CIRSR: variants seen among roughly 807,000 people sequenced by gnomAD.
CIRSR encodes corepressor of RBPJ and splicing regulator, also known as CBF1 (RBPJ) interacting corepressor 1.
the CIRSR span, chr2:174,349,127 T>C: frequency 1.3e-6 from 2 of 1,499,864 alleles, no homozygotes; most frequent in South Asian, 1.3e-5. Flanking sequence ...ACTTTTTCTT[T>C]TTTCTATCTT....
At chr2:174,393,053 A>G in the CIRSR span, among the ~76,000 whole-genome samples, 3 of 152,212 alleles carry the variant, frequency 2.0e-5, no homozygotes, top group Admixed American at 6.5e-5. Context: ...AGATCCAGTG[A>G]AGTTGATGGG....
chr2:174,369,610 T>C, the CIRSR span, among the ~76,000 whole-genome samples: 1 of 152,230 alleles, frequency 6.6e-6, no homozygotes, highest in Non-Finnish European at 1.5e-5. Flanking sequence ...AAGTGAGAGA[T>C]GTGTGATTCT....
chr2:174,394,951 T>C, the CIRSR span, among the ~76,000 whole-genome samples: 1 of 152,222 alleles, frequency 6.6e-6, no homozygotes, highest in Non-Finnish European at 1.5e-5. Context: ...AAATATTTTG[T>C]GCAAGGTCTT....
At chr2:174,381,542 A>G in the CIRSR span, among the ~76,000 whole-genome samples, 1 of 151,950 alleles carries the variant, frequency 6.6e-6, no homozygotes, top group Non-Finnish European at 1.5e-5. Flanking sequence ...AATCCCAACT[A>G]CTCGGGAGGC....
chr2:174,360,521 C>A, the CIRSR span, among the ~76,000 whole-genome samples: 2 of 152,136 alleles, frequency 1.3e-5, no homozygotes, highest in African/African-American at 4.8e-5. Context: ...AAATTTCATT[C>A]ATTCTCCTTT....
At chr2:174,354,574 T>TGATATATTATATATCATATAA in the CIRSR span, among the ~76,000 whole-genome samples, 16 of 15,682 alleles carry the variant, frequency 1.0e-3, 1 homozygote, top group African/African-American at 1.7e-3. Context: ...ATATATTATA[T>TGATATATTATATATCATATAA]TATATATTAT....
chr2:174,352,887 T>C, the CIRSR span, among the ~76,000 whole-genome samples: 4 of 152,356 alleles, frequency 2.6e-5, no homozygotes, highest in South Asian at 6.2e-4. Flanking sequence ...ATGAGTTCTT[T>C]AGTTTGCTGG....
the CIRSR span, among the ~76,000 whole-genome samples, chr2:174,377,691 T>C: frequency 6.6e-6 from 1 of 151,538 alleles, no homozygotes; most frequent in Non-Finnish European, 1.5e-5. Context: ...TGGTGGTGTG[T>C]GTGTCGGTAG....
chr2:174,392,778 G>T, the CIRSR span, among the ~76,000 whole-genome samples: 1 of 152,134 alleles, frequency 6.6e-6, no homozygotes, highest in African/African-American at 2.4e-5. Flanking sequence ...GCTGATTTGG[G>T]GTAAAAAACT....
the CIRSR span, among the ~76,000 whole-genome samples, chr2:174,369,738 A>C: frequency 6.6e-6 from 1 of 152,230 alleles, no homozygotes; most frequent in East Asian, 1.9e-4. Context: ...GGGAAGAGGC[A>C]GTGGGTGGAG....
chr2:174,376,088 T>C, the CIRSR span, among the ~76,000 whole-genome samples: 4 of 152,152 alleles, frequency 2.6e-5, no homozygotes, highest in Non-Finnish European at 5.9e-5. Context: ...CTCAAACTCC[T>C]GAGCTCAAGC....
At chr2:174,349,406 A>G in the CIRSR span, among the ~76,000 whole-genome samples, 1 of 151,990 alleles carries the variant, frequency 6.6e-6, no homozygotes, top group South Asian at 2.1e-4. Context: ...CTCTAGTAAA[A>G]ATACAAAAAT....
the CIRSR span, among the ~76,000 whole-genome samples, chr2:174,389,393 T>C: frequency 6.6e-6 from 1 of 152,220 alleles, no homozygotes; most frequent in African/African-American, 2.4e-5. Flanking sequence ...TCTCTCTTGC[T>C]AGGCAAAGAA....
chr2:174,394,689 T>C, the CIRSR span, among the ~76,000 whole-genome samples: 3 of 152,214 alleles, frequency 2.0e-5, no homozygotes, highest in Non-Finnish European at 4.4e-5. Context: ...GAATCACTGG[T>C]CTAGAAGTGA....
the CIRSR span, among the ~76,000 whole-genome samples, chr2:174,393,805 C>T: frequency 1.3e-5 from 2 of 152,060 alleles, no homozygotes; most frequent in East Asian, 3.8e-4. Context: ...TCACAATCTA[C>T]ACTATAAACA....
the CIRSR span, chr2:174,351,960 T>C: frequency 1.5e-3 from 523 of 345,566 alleles, no homozygotes; most frequent in Middle Eastern, 5.4e-3. Context: ...TATGTAACTT[T>C]GTCATATTGA....
the CIRSR span, among the ~76,000 whole-genome samples, chr2:174,355,228 T>C: frequency 0.053 from 8,106 of 152,238 alleles, 679 homozygotes; most frequent in African/African-American, 0.18. Context: ...GTTGATAAAA[T>C]AGATTACACA....
At chr2:174,350,100 C>T in the CIRSR span, among the ~76,000 whole-genome samples, 1 of 152,052 alleles carries the variant, frequency 6.6e-6, no homozygotes, top group Non-Finnish European at 1.5e-5. Context: ...GGAGGAGTAA[C>T]TTGTTTATAT....
the CIRSR span, chr2:174,380,152 CATTT>C: frequency 4.8e-5 from 61 of 1,274,298 alleles, 2 homozygotes; most frequent in East Asian, 8.1e-4. Context: ...TATAAAGATA[CATTT>C]ATTAAATAAA....
Sources: gnomAD v4.1 joint callset for allele counts (sites outside exome capture counted in the v4.1 genomes callset) on GRCh38, gnomAD v4.1.1 for gene constraint, MANE v1.5 for transcripts, NCBI Gene and HGNC (gene_info 2026-07-23, HGNC 2026-07-21) for gene names.